Variants in AUH observed in about 807,000 individuals in gnomAD.
AUH encodes AU RNA binding methylglutaconyl-CoA hydratase, also known as methylglutaconyl-CoA hydratase, mitochondrial.
AUH carries 29 observed loss-of-function variants against 42.3 expected under a neutral mutation model. The observed-to-expected ratio is 0.69, with a 90% confidence interval of 0.51 to 0.93. AUH has a LOEUF of 0.93. Ranked by LOEUF, AUH falls within the 40% of genes least tolerant of loss-of-function variation. The probability of loss-of-function intolerance (pLI) is 0.00; values close to 1 mark genes in which losing one functional copy is unlikely to be tolerated. For synonymous variants in AUH, 174 were observed against 166.4 expected, an observed-to-expected ratio of 1.05 and a Z score of -0.35; for missense variants, 452 against 438.1, an observed-to-expected ratio of 1.03 and a Z score of -0.28.
Position 91,361,736 on chromosome 9 carries a change from G to A in AUH, c.154C>T (p.Gln52Ter). 1 of 1,547,688 alleles carries A rather than the reference G, an allele frequency of 6.5e-7. No homozygotes were observed. Among genetic ancestry groups the A allele is most frequent in the Non-Finnish European group, 8.7e-7 (1 of 1,146,282 alleles). ...CCCCCGGCCGCAGGTACCCAGCCCT[G>A]GGCCCAGATCGCCGGGCCCGCTCGC... ...GRRAGPAIWA[Q>*]GWVPAAGGPA... Residue 52 changes from glutamine (Q) to a stop codon, truncating the protein, a stop_gained, in exon 1 of 10, where the codon CAG becomes TAG. Transcript: ENST00000375731. LOFTEE classifies it high-confidence loss of function.
At chr9:91,334,194 C>T (rs1830531355) in intron 3 of AUH, among the ~76,000 whole-genome samples, 1 of 152,180 alleles carries the variant, frequency 6.6e-6, no homozygotes, top group African/African-American at 2.4e-5. Context: ...CTCCAGTACA[C>T]GGCATTGTCA....
chr9:91,290,771 G>A (rs147467186), intron 6 of AUH, among the ~76,000 whole-genome samples: 62 of 152,234 alleles, frequency 4.1e-4, no homozygotes, highest in Middle Eastern at 3.4e-3. Flanking sequence ...TCTTCTGGTA[G>A]TTGTAACACA....
chr9:91,228,205 C>T (rs541742416), intron 6 of AUH, among the ~76,000 whole-genome samples: 1,740 of 152,244 alleles, frequency 0.011, 38 homozygotes, highest in African/African-American at 0.04. Context: ...GGTTGGTAAG[C>T]TATTGATTAT....
intron 4 of AUH, among the ~76,000 whole-genome samples, chr9:91,325,033 T>C (rs1829872213): frequency 6.6e-6 from 1 of 152,100 alleles, no homozygotes; most frequent in African/African-American, 2.4e-5. Context: ...TGCATGTATA[T>C]AGTTAAATAT....
At position 91,358,754 on chromosome 9, in the gene AUH, G is replaced by T. The variant is rs559434739; in HGVS notation, c.263-2599C>A. 3.7e-4 allele frequency among the ~76,000 whole-genome samples: 56 copies of T among 152,236 alleles called. No homozygotes were observed. In the South Asian group the frequency reaches 8.7e-3, roughly 24 times the overall value. ...TAACACAGTTAATTCCAGCAATTTT[G>T]GTCCCATATCTGAGACTTGATGTTT... On this transcript the variant is annotated intron_variant, in intron 1 of 9. Coordinates refer to ENST00000375731, the MANE Select transcript of AUH (RefSeq NM_001698.3).
intron 1 of AUH, among the ~76,000 whole-genome samples, chr9:91,357,831 A>G (rs1832546833): frequency 6.6e-6 from 1 of 152,234 alleles, no homozygotes; most frequent in Non-Finnish European, 1.5e-5. Flanking sequence ...GAGAGTGACC[A>G]ATGAAAGTAA....
intron 6 of AUH, among the ~76,000 whole-genome samples, chr9:91,251,209 C>A (rs2131387248): frequency 6.6e-6 from 1 of 152,270 alleles, no homozygotes; most frequent in South Asian, 2.1e-4. Context: ...CTTGCCAGTC[C>A]CCTCTAGGTG....
Position 91,217,308 on chromosome 9 carries a change from A to G in AUH, c.863T>C (p.Val288Ala), listed in dbSNP as rs1826877374. The stretch of plus-strand genomic sequence containing the variant: ...CCCTTGATTAATTGCTAATTTTGCC[A>G]CTCTCATTGCAACAGGTCCCTAAAA... ...FLPQGPVAMR[V>A]AKLAINQGME... is the part of the protein sequence containing the mutation. Residue 288 changes from valine to alanine, a missense_variant, in exon 8 of 10, where the codon GTG becomes GCG. By Grantham distance (64) the Val-to-Ala change is moderately conservative. Transcript: ENST00000375731. 1 of 1,613,718 alleles carries G rather than the reference A, an allele frequency of 6.2e-7. No individual in the cohort carries two copies. The highest frequency in any genetic ancestry group is 8.5e-7 in the Non-Finnish European group (1 of 1,179,830).
intron 4 of AUH, among the ~76,000 whole-genome samples, chr9:91,304,193 T>G (rs1482031337): frequency 6.6e-6 from 1 of 152,078 alleles, no homozygotes; most frequent in African/African-American, 2.4e-5. Flanking sequence ...ACAGAAAGGG[T>G]CATTATACCA....
rs1389991200 is a variant in AUH, at chr9:91,337,931, C to CAT, written c.419-12529_419-12528dup. Among the ~76,000 whole-genome samples, 8 of 152,282 alleles carry CAT rather than the reference C, an allele frequency of 5.3e-5. No individual in the cohort carries two copies. The South Asian group carries it at 1.7e-3, about 32-fold the overall frequency. On this transcript the variant is annotated intron_variant, in intron 3 of 9. Transcript: ENST00000375731. ...AAGGAGCATGACCTTCTTGGTATAA[C>CAT]ATGACTACTGTCAGAGCTTCTAGAG...
At chr9:91,308,559 C>T (rs996742413) in intron 4 of AUH, among the ~76,000 whole-genome samples, 2 of 152,182 alleles carry the variant, frequency 1.3e-5, no homozygotes. Context: ...TAATCTTTCA[C>T]ACACCATAAT....
chr9:91,361,806 C>T lies in AUH; in HGVS notation c.84G>A (p.Ala28=). The T allele has an allele frequency of 1.3e-6, 2 of 1,525,914 alleles. No individual in the cohort carries two copies. The highest frequency in any genetic ancestry group is 1.8e-6 in the Non-Finnish European group (2 of 1,140,418). The allele number at this position is 1,525,914 out of a possible 1,614,324, so 94.5% of individuals were successfully genotyped here. The change falls in exon 1 of 10, where the codon GCG becomes GCA. Residue 28 remains alanine, a synonymous_variant. Transcript: ENST00000375731. Reference sequence around the variant, plus strand: ...GCAGCCTCAACCCCGGGCAGAGCCACGCACTGCAAGCGGCCACCAGGCGGG... The same window carrying T: ...GCAGCCTCAACCCCGGGCAGAGCCATGCACTGCAAGCGGCCACCAGGCGGG... ...GGARLVAACS[A]WLCPGLRLPG... is the part of the protein sequence containing the mutation.
chr9:91,273,096 G>A (rs932675752), intron 6 of AUH, among the ~76,000 whole-genome samples: 1 of 152,170 alleles, frequency 6.6e-6, no homozygotes, highest in African/African-American at 2.4e-5. Flanking sequence ...GAATGCTGAA[G>A]AATTATGTTC....
At chr9:91,360,994 T>C (rs750647887) in intron 1 of AUH, among the ~76,000 whole-genome samples, 4 of 152,200 alleles carry the variant, frequency 2.6e-5, no homozygotes, top group Non-Finnish European at 4.4e-5. Flanking sequence ...AGCTCTGTAT[T>C]GTATTGCTAA....
chr9:91,310,826 C>G (rs1587831724), intron 4 of AUH, among the ~76,000 whole-genome samples: 4 of 152,130 alleles, frequency 2.6e-5, no homozygotes, highest in Admixed American at 2.6e-4. Flanking sequence ...GATAGTTAGG[C>G]TAGGACAGAA....
At chr9:91,280,525 T>C (rs1380275541) in intron 6 of AUH, among the ~76,000 whole-genome samples, 1 of 152,184 alleles carries the variant, frequency 6.6e-6, no homozygotes, top group East Asian at 1.9e-4. Flanking sequence ...ATAACCAAAA[T>C]CACCAATTAA....
intron 3 of AUH, among the ~76,000 whole-genome samples, chr9:91,345,268 A>AATGACTTG (rs1207330848): frequency 2.6e-5 from 4 of 152,186 alleles, no homozygotes; most frequent in African/African-American, 9.6e-5. Flanking sequence ...TTTATTCACA[A>AATGACTTG]ATGACTTGAC....
intron 6 of AUH, among the ~76,000 whole-genome samples, chr9:91,260,185 C>T (rs572873963): frequency 6.6e-6 from 1 of 152,102 alleles, no homozygotes; most frequent in East Asian, 1.9e-4. Context: ...CATGGCATAT[C>T]TCCTTCTATC....
intron 3 of AUH, among the ~76,000 whole-genome samples, chr9:91,328,186 C>CA (rs1406622730): frequency 6.6e-6 from 1 of 152,166 alleles, no homozygotes; most frequent in Admixed American, 6.5e-5. Context: ...TTGGGGACAT[C>CA]ACTCACTCCA....
Sources: gnomAD v4.1 joint callset for allele counts (sites outside exome capture counted in the v4.1 genomes callset) on GRCh38, gnomAD v4.1.1 for gene constraint, MANE v1.5 for transcripts, NCBI Gene and HGNC (gene_info 2026-07-23, HGNC 2026-07-21) for gene names.